Variants in HELZ2 observed in about 807,000 individuals in gnomAD.
HELZ2 encodes the protein helicase with zinc finger 2.
In HELZ2, 143 loss-of-function variants were observed where a neutral mutation model predicts 208.8. The ratio of observed to expected loss-of-function variants is 0.68; its 90% confidence interval spans 0.60 to 0.79. The LOEUF (loss-of-function observed/expected upper bound fraction) is 0.79. Ranked by LOEUF, HELZ2 falls within the 30% of genes least tolerant of loss-of-function variation. The pLI, the probability that HELZ2 is intolerant of heterozygous loss-of-function variation, is 0.00. For missense variants in HELZ2, 3,690 were observed against 3,794.5 expected (o/e 0.97, Z 0.72); for synonymous variants, 1,705 against 1,693.7 (o/e 1.01, Z -0.16).
intron 14 of HELZ2, 70 bp downstream of exon 15, chr20:63,561,012 C>T: frequency 6.3e-7 from 1 of 1,594,694 alleles, no homozygotes; most frequent in Non-Finnish European, 8.6e-7. Context: ...TCTGCACACA[C>T]AGGGCACCCC....
chr20:63,564,552 G>A lies in HELZ2; in HGVS notation c.4270C>T (p.Arg1424Cys), dbSNP rs369824033. ...GTGAGGAACAGGGAGATGGCCAGGCGGTCCCGGCCAGGCAGGAGGCTGAGG... is the reference window on the plus strand; with the variant it reads ...GTGAGGAACAGGGAGATGGCCAGGCAGTCCCGGCCAGGCAGGAGGCTGAGG... Residue 1424 changes from arginine (R) to cysteine (C), a missense_variant, in exon 8 of 19, where the codon CGC becomes TGC. Physicochemically the swap from Arg to Cys is radical, Grantham distance 180 (BLOSUM62 -3). Around this residue, in one of 3 missense-constraint regions of HELZ2, gnomAD observed 2,564 missense variants for 2,580.5 expected, o/e 0.99. Coordinates refer to ENST00000467148, the Ensembl canonical transcript of HELZ2. 7.1e-5 allele frequency: 111 copies of A among 1,570,322 alleles called. No homozygotes were observed. Among genetic ancestry groups the A allele is most frequent in the South Asian group, 9.3e-5 (8 of 85,876 alleles).
exon 8 of HELZ2, chr20:63,564,672 C>A (rs981700206): frequency 6.3e-7 from 1 of 1,584,306 alleles, no homozygotes; most frequent in African/African-American, 1.3e-5. Flanking sequence ...ACGTCCAGCA[C>A]CCCGTCCCTG....
In HELZ2 at chr20:63,562,910, ACACT is replaced by A; in HGVS notation, c.5908_5911del (p.Val1971ProfsTer62). On this transcript the variant is annotated frameshift_variant, in exon 8 of 19. Coordinates refer to ENST00000467148, the Ensembl canonical transcript of HELZ2. LOFTEE classifies it high-confidence loss of function. Reference sequence around the variant, plus strand: ...CGGCGTCCGTGACGCCTCCCAGGAGACACTCAGGTGCTGAAGTGTGACGGAGTCA... The same window carrying A: ...CGGCGTCCGTGACGCCTCCCAGGAGACAGGTGCTGAAGTGTGACGGAGTCA... 3.1e-6 allele frequency: 5 copies of A among 1,597,318 alleles called. No homozygotes were observed. Among genetic ancestry groups the A allele is most frequent in the African/African-American group, 1.3e-5 (1 of 74,944 alleles).
At chr20:63,567,870 C>T (rs371459543) in intron 5 of HELZ2, 1 of 776,270 alleles carries the variant, frequency 1.3e-6, no homozygotes, top group South Asian at 1.9e-5. Flanking sequence ...CCTGCACCTC[C>T]CTGGTCCCCA....
At chr20:63,565,873 G>T (rs1195896117) in exon 8 of HELZ2, 2 of 1,597,786 alleles carry the variant, frequency 1.3e-6, no homozygotes, top group Admixed American at 1.7e-5. Flanking sequence ...CCTCGGCCAG[G>T]TCCCCTACTG....
At chr20:63,569,083 C>T in intron 4 of HELZ2, 65 bp downstream of exon 5, 1 of 1,583,222 alleles carries the variant, frequency 6.3e-7, no homozygotes, top group Non-Finnish European at 8.6e-7. Flanking sequence ...CTCCCGTTGC[C>T]CCAGCCGCTC....
chr20:63,565,651 T>TGCATCCTCAGCCTCC (rs2082945342), exon 8 of HELZ2: 2 of 1,610,556 alleles, frequency 1.2e-6, no homozygotes, highest in Non-Finnish European at 1.7e-6. Flanking sequence ...AGTCAGCCTC[T>TGCATCCTCAGCCTCC]GCATCCTCAG....
exon 8 of HELZ2, chr20:63,564,172 C>T (rs1250199737): frequency 2.0e-5 from 33 of 1,611,478 alleles, no homozygotes; most frequent in Middle Eastern, 1.6e-4. Flanking sequence ...ACCGCAGAGG[C>T]GTGACCGTCC....
Position 63,562,057 on chromosome 20 carries a change from C to A in HELZ2, c.6529+15G>T, listed in dbSNP as rs376867462. The stretch of plus-strand genomic sequence containing the variant: ...GGCCCAAGGCAGCCTGCGGCTCCCC[C>A]GGCATGGGCCCTACCTGGTGGGCCC... On this transcript the variant is annotated intron_variant, in intron 10 of 18. Transcript: ENST00000467148. The A allele has an allele frequency of 1.9e-6, 3 of 1,584,270 alleles. No homozygotes were observed. Among genetic ancestry groups the A allele is most frequent in the Non-Finnish European group, 2.6e-6 (3 of 1,166,012 alleles).
At chr20:63,570,223 G>C (rs1159364968) in intron 3 of HELZ2, 1 of 554,708 alleles carries the variant, frequency 1.8e-6, no homozygotes, top group Non-Finnish European at 3.5e-6. Context: ...GTCTCCCAAA[G>C]TGCTGGGATT....
exon 6 of HELZ2, chr20:63,566,934 G>C: frequency 6.2e-7 from 1 of 1,610,578 alleles, no homozygotes; most frequent in Non-Finnish European, 8.5e-7. Flanking sequence ...GCACCTTCTC[G>C]ACGACCTGCG....
At chr20:63,561,157 G>T in exon 14 of HELZ2, 2 of 1,613,090 alleles carry the variant, frequency 1.2e-6, no homozygotes, top group South Asian at 1.1e-5. Flanking sequence ...CGTCAACAAG[G>T]ATCTGCCTCA....
chr20:63,559,288 G>T, exon 19 of HELZ2: 3 of 1,592,146 alleles, frequency 1.9e-6, no homozygotes, highest in Non-Finnish European at 2.6e-6. Context: ...GCACCTGGCC[G>T]GCAGGCACGA....
chr20:63,563,929 C>T (rs1274046333), exon 8 of HELZ2: 2 of 1,593,586 alleles, frequency 1.3e-6, no homozygotes, highest in Non-Finnish European at 1.7e-6. Flanking sequence ...CTGCAGGAGC[C>T]AGGAATGGGT....
exon 4 of HELZ2, chr20:63,569,216 G>A (rs2082994176): frequency 6.4e-7 from 1 of 1,557,132 alleles, no homozygotes; most frequent in Admixed American, 2.0e-5. Context: ...GCCGATAGTT[G>A]GTTGGTGAGA....
intron 17 of HELZ2, 22 bp from the exon 19 acceptor site, chr20:63,560,117 C>T (rs368613814): frequency 1.3e-6 from 2 of 1,567,214 alleles, no homozygotes; most frequent in Non-Finnish European, 1.7e-6. Context: ...GAGGTGAGGC[C>T]CTGCTGCCGC....
chr20:63,564,944 C>G (rs1452484853), exon 8 of HELZ2: 2 of 1,609,942 alleles, frequency 1.2e-6, no homozygotes, highest in South Asian at 2.2e-5. Context: ...GCCCTGCTCC[C>G]AGGTGCTGGC....
At position 63,559,958 on chromosome 20, in the gene HELZ2, T is replaced by C. The variant is rs1000708819; in HGVS notation, c.7795A>G (p.Thr2599Ala). ...AGGCAGAGCCCCTCCTGGGCCCGCG[T>C]GACAGCCACATTCACTTGGTTGGGG... Residue 2599 changes from threonine to alanine, a missense_variant, in exon 18 of 19, where the codon ACG (threonine) becomes GCG (alanine). This residue lies in a region of HELZ2 where 2,564 missense variants were observed against 2,580.5 expected (regional missense o/e 0.99). Coordinates refer to ENST00000467148, the Ensembl canonical transcript of HELZ2. 1.9e-6 allele frequency: 3 copies of C among 1,611,596 alleles called. No individual in the cohort carries two copies. In the Admixed American group the frequency reaches 5.0e-5, roughly 27 times the overall value.
chr20:63,572,939 C>G (rs895411610), upstream of HELZ2: 1 of 153,240 alleles, frequency 6.5e-6, no homozygotes, highest in East Asian at 1.9e-4. Flanking sequence ...CTGCTTAAAG[C>G]GGGCCAGCAG....
Sources: allele counts gnomAD v4.1 joint callset, GRCh38; gene constraint gnomAD v4.1.1; regional missense constraint gnomAD v4.1.1; transcripts MANE v1.5; gene names NCBI Gene and HGNC (gene_info 2026-07-23, HGNC 2026-07-21).